DNAH12: variants seen among roughly 807,000 people sequenced by gnomAD.
DNAH12 encodes axonemal beta dynein heavy chain 12.
In DNAH12, 285 loss-of-function variants were observed where a neutral mutation model predicts 371.5. That is an observed-to-expected ratio of 0.77 (90% CI 0.70 to 0.85). The LOEUF is 0.85. Ranked by LOEUF, DNAH12 falls within the 40% of genes least tolerant of loss-of-function variation. The pLI, the probability that DNAH12 is intolerant of heterozygous loss-of-function variation, is 0.00. For missense variants in DNAH12, 3,611 were observed against 3,689.4 expected, an observed-to-expected ratio of 0.98 and a Z score of 0.55; for synonymous variants, 1,200 against 1,213.0, an observed-to-expected ratio of 0.99 and a Z score of 0.22.
intron 15 of DNAH12, among the ~76,000 whole-genome samples, 183 bp downstream of exon 15, chr3:57,471,289 A>T (rs900525076): frequency 6.7e-6 from 1 of 150,148 alleles, no homozygotes. Flanking sequence ...ATACATATTT[A>T]TGTATTTTAC....
At chr3:57,412,345 TAA>T (rs1229914215) in intron 39 of DNAH12, among the ~76,000 whole-genome samples, 9 of 152,134 alleles carry the variant, frequency 5.9e-5, no homozygotes, top group Admixed American at 5.9e-4. Context: ...TGCAATACTA[TAA>T]AACTCCTAGG....
intron 60 of DNAH12, among the ~76,000 whole-genome samples, chr3:57,339,728 C>A (rs568967484): frequency 6.6e-6 from 1 of 151,798 alleles, no homozygotes; most frequent in Non-Finnish European, 1.5e-5. Context: ...TATACAAATA[C>A]GTGAAAACTA....
intron 15 of DNAH12, among the ~76,000 whole-genome samples, chr3:57,471,163 G>C (rs1046324596): frequency 1.3e-5 from 2 of 149,756 alleles, no homozygotes; most frequent in Admixed American, 1.3e-4. Flanking sequence ...GCCAGCCTGG[G>C]CAACATGGCA....
At chr3:57,399,266 AAAG>A (rs2063807331) in intron 43 of DNAH12, among the ~76,000 whole-genome samples, 1 of 152,172 alleles carries the variant, frequency 6.6e-6, no homozygotes, top group African/African-American at 2.4e-5. Flanking sequence ...ATGAGGAAAA[AAAG>A]AAGCTACAAG....
Position 57,421,576 on chromosome 3 carries a change from A to G in DNAH12, c.5504T>C (p.Val1835Ala). The change falls in exon 36 of 74, where the codon GTG (valine) becomes GCG (alanine). Residue 1835 changes from valine (V) to alanine (A), a missense_variant. By Grantham distance (64) the Val-to-Ala change is moderately conservative. Coordinates refer to ENST00000495027, the MANE Select transcript of DNAH12 (RefSeq NM_001366028.2). ...ATCAAATGGGCATTCCCATTTACCC[A>G]CAGAATCTGGCACTGGGTTTTCATC... ...KDDENPVPDS[V>A]GKWECPFDEK... 1 of 1,551,612 alleles carries G rather than the reference A, an allele frequency of 6.4e-7. No homozygotes were observed.
intron 2 of DNAH12, among the ~76,000 whole-genome samples, chr3:57,528,914 T>C (rs935748078): frequency 1.3e-5 from 2 of 151,640 alleles, no homozygotes; most frequent in South Asian, 4.2e-4. Context: ...AATTCTCCTG[T>C]CTTAGCCTCC....
At chr3:57,463,017 A>C in intron 17 of DNAH12, 142 bp from the exon 18 acceptor site, 1 of 573,988 alleles carries the variant, frequency 1.7e-6, no homozygotes, top group Non-Finnish European at 2.9e-6. Flanking sequence ...CAAAACCTCA[A>C]TTAGATTTGG....
chr3:57,293,718 T>C lies in DNAH12; in HGVS notation c.*63A>G. The C allele has an allele frequency of 6.8e-7, 1 of 1,468,550 alleles. No individual in the cohort carries two copies. Among genetic ancestry groups the C allele is most frequent in the Non-Finnish European group, 9.1e-7 (1 of 1,094,922 alleles). The allele number at this position is 1,468,550 out of a possible 1,614,324, so 91.0% of individuals were successfully genotyped here. A position where few individuals can be genotyped will look rare whatever the true frequency, so the allele number is the denominator to read the frequency against. ...AAAACACTTGGTTTTATAATGTATA[T>C]ATTTTAAGTAGGACAGGTTTTTTTT... On this transcript the variant is annotated 3_prime_UTR_variant, in exon 74 of 74. Coordinates refer to ENST00000495027, the MANE Select transcript of DNAH12 (RefSeq NM_001366028.2).
intron 71 of DNAH12, 127 bp downstream of exon 71, chr3:57,296,720 A>G: frequency 8.7e-7 from 1 of 1,153,862 alleles, no homozygotes; most frequent in Non-Finnish European, 1.2e-6. Context: ...AAGGGATAGC[A>G]AGACAAATAT....
chr3:57,480,980 A>G (rs1347198241), intron 13 of DNAH12, among the ~76,000 whole-genome samples: 1 of 152,178 alleles, frequency 6.6e-6, no homozygotes, highest in Admixed American at 6.5e-5. Context: ...ATGGGCAAAA[A>G]CTGGAAGCAT....
chr3:57,333,734 C>G (rs2062161214), intron 62 of DNAH12, among the ~76,000 whole-genome samples: 1 of 152,192 alleles, frequency 6.6e-6, no homozygotes, highest in Non-Finnish European at 1.5e-5. Context: ...GACCCCTGAA[C>G]TAGCAGGACA....
At chr3:57,371,940 G>GCAAAAAAAAAAAA (rs2063181263) in intron 55 of DNAH12, among the ~76,000 whole-genome samples, 1 of 10,828 alleles carries the variant, frequency 9.2e-5, no homozygotes, top group Non-Finnish European at 1.9e-4. Flanking sequence ...TCTAAACTCA[G>GCAAAAAAAAAAAA]CAAAAAAAAA....
chr3:57,395,779 T>TAAAAAAATA (rs1225225740), intron 43 of DNAH12, among the ~76,000 whole-genome samples: 3 of 151,354 alleles, frequency 2.0e-5, no homozygotes, highest in Non-Finnish European at 4.4e-5. Context: ...AGCCTGTCTC[T>TAAAAAAATA]AAAAAAATAA....
intron 47 of DNAH12, among the ~76,000 whole-genome samples, chr3:57,385,842 T>C (rs1051831810): frequency 1.3e-5 from 2 of 152,042 alleles, no homozygotes; most frequent in African/African-American, 2.4e-5. Context: ...GATTGCACCA[T>C]TGCAATCCAG....
At chr3:57,367,577 CAGAA>C (rs1395714479) in intron 56 of DNAH12, among the ~76,000 whole-genome samples, 3 of 152,138 alleles carry the variant, frequency 2.0e-5, no homozygotes, top group Non-Finnish European at 4.4e-5. Context: ...TTTTTATAAA[CAGAA>C]AGATATTAGC....
chr3:57,400,286 A>T (rs2063830739), intron 43 of DNAH12, among the ~76,000 whole-genome samples: 1 of 150,930 alleles, frequency 6.6e-6, no homozygotes, highest in Admixed American at 6.6e-5. Context: ...ACTCTATCTA[A>T]AAAAAAAAAT....
At chr3:57,408,743 T>C (rs915361026) in intron 39 of DNAH12, among the ~76,000 whole-genome samples, 3 of 80,810 alleles carry the variant, frequency 3.7e-5, no homozygotes. Flanking sequence ...AGATTTTGGA[T>C]ATCTGGAATG....
chr3:57,421,484 T>G, intron 36 of DNAH12, 34 bp downstream of exon 36: 3 of 1,548,364 alleles, frequency 1.9e-6, no homozygotes. Flanking sequence ...GCCTTTGTGT[T>G]TTATCTTACC....
At chr3:57,306,203 A>G (rs2107667597) in intron 69 of DNAH12, among the ~76,000 whole-genome samples, 1 of 152,256 alleles carries the variant, frequency 6.6e-6, no homozygotes, top group East Asian at 1.9e-4. Context: ...CACGGATGCC[A>G]AGCTTCGGGT....
Sources: allele counts gnomAD v4.1 joint callset (sites outside exome capture counted in the v4.1 genomes callset), GRCh38; gene constraint gnomAD v4.1.1; transcripts MANE v1.5; gene names NCBI Gene and HGNC (gene_info 2026-07-23, HGNC 2026-07-21).